The following SUPT3H variants were observed in gnomAD, a reference collection of about 807,000 sequenced individuals.
SUPT3H encodes transcription initiation protein SPT3 homolog.
In SUPT3H, 44 loss-of-function variants were observed where a neutral mutation model predicts 44.3. The ratio of observed to expected loss-of-function variants is 0.99; its 90% confidence interval spans 0.78 to 1.28. The LOEUF is 1.28. Among genes scored for constraint, SUPT3H ranks in the 50% most tolerant of loss-of-function variants. The pLI is 0.00. For missense variants in SUPT3H, 380 were observed against 387.1 expected (o/e 0.98, Z 0.15); for synonymous variants, 124 against 125.6 (o/e 0.99, Z 0.09).
At chr6:45,341,818 A>T (rs1280740784) in intron 2 of SUPT3H, among the ~76,000 whole-genome samples, 1 of 152,190 alleles carries the variant, frequency 6.6e-6, no homozygotes, top group East Asian at 1.9e-4. Flanking sequence ...AAAATGACAC[A>T]CTAAGATAAT....
rs777578016 is a variant in SUPT3H at position 45,287,725 on chromosome 6, A to G, written c.101+77476T>C. 1.1e-3 allele frequency among the ~76,000 whole-genome samples: 168 copies of G among 152,310 alleles called. 2 individuals are homozygous for G. Among genetic ancestry groups the G allele is most frequent in the Middle Eastern group, 0.01 (3 of 294 alleles). ...TGCAATGTCAAGGTACTTAATGCCA[A>G]TGAACTCTACACTTAAAAATAGTGC... On this transcript the variant is annotated intron_variant, in intron 2 of 10. Transcript: ENST00000371459.
chr6:44,926,071 C>T (rs551497652), intron 10 of SUPT3H, among the ~76,000 whole-genome samples: 6 of 152,054 alleles, frequency 3.9e-5, no homozygotes, highest in African/African-American at 1.4e-4. Flanking sequence ...ACAGAAAGAC[C>T]CGCGATACGC....
intron 2 of SUPT3H, among the ~76,000 whole-genome samples, chr6:45,160,218 T>A (rs1311147521): frequency 6.6e-6 from 1 of 152,200 alleles, no homozygotes; most frequent in African/African-American, 2.4e-5. Flanking sequence ...ACTAAAATGT[T>A]GTTTATTTTG....
intron 2 of SUPT3H, among the ~76,000 whole-genome samples, chr6:45,259,173 T>A (rs979027330): frequency 6.6e-6 from 1 of 152,104 alleles, no homozygotes; most frequent in Non-Finnish European, 1.5e-5. Context: ...GAAAATAAGA[T>A]GCGTTTATCA....
intron 2 of SUPT3H, among the ~76,000 whole-genome samples, chr6:45,212,083 T>A (rs1764187720): frequency 6.6e-6 from 1 of 151,840 alleles, no homozygotes; most frequent in South Asian, 2.1e-4. Flanking sequence ...AGAGAATTCC[T>A]TGAACCCGGG....
intron 3 of SUPT3H, among the ~76,000 whole-genome samples, chr6:45,104,766 T>C (rs1207543371): frequency 2.0e-5 from 3 of 151,910 alleles, no homozygotes; most frequent in Admixed American, 1.3e-4. Context: ...AAAACACAAC[T>C]GAAAAACACA....
In SUPT3H at chr6:44,973,878, T is replaced by G. The variant is rs567725138; in HGVS notation, c.505-12050A>C. On this transcript the variant is annotated intron_variant, in intron 6 of 10. Coordinates refer to ENST00000371459, the MANE Select transcript of SUPT3H (RefSeq NM_003599.4). ...TCTCCTGAGAACTCACTTACTACCA[T>G]GAAAACAGCATGGAGGTAACAGCCC... Among the ~76,000 whole-genome samples the G allele has an allele frequency of 2.6e-5, 4 of 152,224 alleles. No homozygotes were observed. The East Asian group carries it at 7.7e-4, about 29-fold the overall frequency.
At chr6:44,844,929 C>G (rs953036013) in intron 10 of SUPT3H, among the ~76,000 whole-genome samples, 1 of 151,996 alleles carries the variant, frequency 6.6e-6, no homozygotes, top group Non-Finnish European at 1.5e-5. Flanking sequence ...CAACAAAACC[C>G]CCCCCACAAT....
intron 1 of SUPT3H, chr6:45,371,936 A>G (rs2150312653): frequency 1.3e-6 from 1 of 793,814 alleles, no homozygotes; most frequent in African/African-American, 1.9e-5. Flanking sequence ...CCAAGGACAC[A>G]CTACTATTTA....
rs149282483 is a variant in SUPT3H, at chr6:44,953,893, C to T, written c.694-476G>A. 2.2e-3 allele frequency among the ~76,000 whole-genome samples: 335 copies of T among 152,138 alleles called. 1 individual carries two copies. The highest frequency in any genetic ancestry group is 0.021 in the Middle Eastern group (6 of 292). ...GACTACAGGTGCCCGCCACCATGCCCGGCTAACTTTTTTTTGGTATTATTA... is the reference window on the plus strand; with the variant it reads ...GACTACAGGTGCCCGCCACCATGCCTGGCTAACTTTTTTTTGGTATTATTA... On this transcript the variant is annotated intron_variant, in intron 8 of 10. Transcript: ENST00000371459.
intron 1 of SUPT3H, among the ~76,000 whole-genome samples, chr6:45,365,513 A>G (rs1487016816): frequency 2.0e-5 from 3 of 151,840 alleles, no homozygotes; most frequent in Non-Finnish European, 2.9e-5. Flanking sequence ...ATGTCAGCCA[A>G]TTACTCACTT....
At chr6:44,956,470 C>CAA (rs1227576144) in intron 7 of SUPT3H, among the ~76,000 whole-genome samples, 5 of 4,972 alleles carry the variant, frequency 1.0e-3, no homozygotes, top group Admixed American at 2.8e-3. Context: ...GAAACTGTCT[C>CAA]AAAAAAAAAA....
At chr6:45,157,837 C>T (rs1404699954) in intron 2 of SUPT3H, among the ~76,000 whole-genome samples, 2 of 151,666 alleles carry the variant, frequency 1.3e-5, no homozygotes, top group Non-Finnish European at 2.9e-5. Flanking sequence ...TGAGCCACCG[C>T]ACCCGGCCAG....
chr6:45,078,401 T>C (rs1279241869), intron 3 of SUPT3H, among the ~76,000 whole-genome samples: 1 of 152,218 alleles, frequency 6.6e-6, no homozygotes, highest in African/African-American at 2.4e-5. Flanking sequence ...TTTTTGACCA[T>C]TTTGACCTTA....
At chr6:44,880,551 A>C (rs1778054842) in intron 10 of SUPT3H, among the ~76,000 whole-genome samples, 1 of 152,236 alleles carries the variant, frequency 6.6e-6, no homozygotes, top group Non-Finnish European at 1.5e-5. Context: ...AGGCAGGCCA[A>C]CATTCAAATT....
At chr6:45,323,386 G>A (rs1160662470) in intron 2 of SUPT3H, among the ~76,000 whole-genome samples, 3 of 151,858 alleles carry the variant, frequency 2.0e-5, no homozygotes, top group Non-Finnish European at 4.4e-5. Context: ...TTTAGATGAT[G>A]CCTTAACATG....
chr6:45,021,729 G>C (rs1279198194), intron 3 of SUPT3H, among the ~76,000 whole-genome samples: 1 of 151,904 alleles, frequency 6.6e-6, no homozygotes, highest in Admixed American at 6.6e-5. Flanking sequence ...TTGTGCTAAA[G>C]AAATTCTGCT....
intron 2 of SUPT3H, among the ~76,000 whole-genome samples, chr6:45,235,735 G>A (rs1768980909): frequency 6.6e-6 from 1 of 152,084 alleles, no homozygotes; most frequent in Non-Finnish European, 1.5e-5. Flanking sequence ...GAGTGTGCTG[G>A]GAACAGACCC....
chr6:44,981,584 T>A (rs1318958780), intron 6 of SUPT3H, among the ~76,000 whole-genome samples: 1 of 152,094 alleles, frequency 6.6e-6, no homozygotes, highest in African/African-American at 2.4e-5. Context: ...TAGAAAAAGA[T>A]TAGCGTGAGT....
Sources: allele counts gnomAD v4.1 joint callset (sites outside exome capture counted in the v4.1 genomes callset), GRCh38; gene constraint gnomAD v4.1.1; transcripts MANE v1.5; gene names NCBI Gene and HGNC (gene_info 2026-07-23, HGNC 2026-07-21).